The following CEP95 variants were observed in gnomAD, a reference collection of about 807,000 sequenced individuals.
CEP95 encodes the protein centrosomal protein 95, also known as centrosomal protein of 95 kDa.
In CEP95, 98 loss-of-function variants were observed where a neutral mutation model predicts 111.2. The observed-to-expected ratio is 0.88, with a 90% CI of 0.75 to 1.04. The LOEUF is 1.04. Ranked by LOEUF, CEP95 falls within the 50% of genes least tolerant of loss-of-function variation. CEP95 has a pLI of 0.00. For synonymous variants in CEP95, 323 were observed against 327.1 expected (o/e 0.99, Z 0.14); for missense variants, 1,027 against 977.2 (o/e 1.05, Z -0.68).
chr17:64,521,734 ATTAT>A (rs1423605206), intron 7 of CEP95, among the ~76,000 whole-genome samples: 1 of 150,242 alleles, frequency 6.7e-6, no homozygotes, highest in East Asian at 2.0e-4. Context: ...CCACTATTTT[ATTAT>A]CTAAATTCTC....
chr17:64,532,351 A>G, intron 14 of CEP95: 3 of 1,091,548 alleles, frequency 2.7e-6, no homozygotes, highest in Non-Finnish European at 3.3e-6. Flanking sequence ...GGGATGCTCC[A>G]AGGCAAGCAG....
chr17:64,536,996 A>G (rs782539749), intron 18 of CEP95, 45 bp from the exon 19 acceptor site: 12 of 1,530,844 alleles, frequency 7.8e-6, no homozygotes, highest in African/African-American at 1.4e-5. Flanking sequence ...CATTTGGACT[A>G]CAAACATTAA....
chr17:64,522,942 G>C, intron 8 of CEP95, 47 bp downstream of exon 8: 1 of 1,408,020 alleles, frequency 7.1e-7, no homozygotes, highest in Non-Finnish European at 9.8e-7. Flanking sequence ...ACACTTGTAT[G>C]TATGTCTGTG....
rs1363407410 is a variant in CEP95 at position 64,507,034 on chromosome 17, TCCTTCCAGGACACCGTCG to T, written c.-57_-40del. On this transcript the variant is annotated 5_prime_UTR_variant, in exon 1 of 20. Coordinates refer to ENST00000556440, the MANE Select transcript of CEP95 (RefSeq NM_138363.3). ...CCAGTGTCGGGTCTGCGTGGATCGGTCCTTCCAGGACACCGTCGCCTTCCCGGCCGCGTCGGAGTCCGG... is the reference window on the plus strand; with the variant it reads ...CCAGTGTCGGGTCTGCGTGGATCGGTCCTTCCCGGCCGCGTCGGAGTCCGG... The T allele has an allele frequency of 1.3e-6, 2 of 1,546,026 alleles. No homozygotes were observed. The highest frequency in any genetic ancestry group is 4.9e-5 in the East Asian group (2 of 40,906).
rs782794868 is a variant in CEP95 at position 64,526,133 on chromosome 17, G to T, written c.1085G>T (p.Arg362Ile). The change falls in exon 10 of 20, where the codon AGA becomes ATA. Residue 362 changes from arginine to isoleucine, a missense_variant. Transcript: ENST00000556440. ...CCTTTCCCCCAGAGGCCAAGAAAGA[G>T]ATTAACAGAACAAGAATTACATGAT... is the stretch of plus-strand genomic sequence containing the variant. ...NSPFPQRPRK[R>I]LTEQELHDVS... is the part of the protein sequence containing the mutation. 7.4e-6 allele frequency: 12 copies of T among 1,613,656 alleles called. No homozygotes were observed. In the Admixed American group the frequency reaches 1.0e-4, roughly 13 times the overall value.
At chr17:64,531,199 A>C (rs973097135) in intron 13 of CEP95, 181 bp downstream of exon 13, 1 of 410,494 alleles carries the variant, frequency 2.4e-6, no homozygotes, top group Non-Finnish European at 4.3e-6. Flanking sequence ...GGTTGCTAAA[A>C]TATGACGAGA....
intron 8 of CEP95, 54 bp downstream of exon 8, chr17:64,522,949 T>C: frequency 1.5e-6 from 2 of 1,335,302 alleles, no homozygotes; most frequent in Non-Finnish European, 1.0e-6. Context: ...TATGTATGTC[T>C]GTGTGTGTGT....
chr17:64,533,244 C>T lies in CEP95; in HGVS notation c.1917+53C>T, dbSNP rs557593742. ...AATTCTGAATTTGTTATATTCATTC[C>T]CTTTATCTGTGCTAGCTGGGCAACA... On this transcript the variant is annotated intron_variant, in intron 16 of 19. Coordinates refer to ENST00000556440, the MANE Select transcript of CEP95 (RefSeq NM_138363.3). The T allele has an allele frequency of 5.9e-5, 84 of 1,430,126 alleles. No individual in the cohort carries two copies. In the African/African-American group the frequency reaches 1.1e-3, roughly 19 times the overall value. 88.6% of individuals were successfully genotyped at this position (1,430,126 alleles called of 1,614,324 possible).
At position 64,532,832 on chromosome 17, in the gene CEP95, C is replaced by T. The variant is rs1968372362; in HGVS notation, c.1673-7C>T. The T allele has an allele frequency of 1.2e-6, 2 of 1,604,656 alleles. No individual in the cohort carries two copies. Among genetic ancestry groups the T allele is most frequent in the South Asian group, 2.3e-5 (2 of 88,856 alleles). ...TCAGATTAAGAACATCTTATTTTACCTTGCAGTGAAAGTAAGTGAACACAG... is the reference window on the plus strand; with the variant it reads ...TCAGATTAAGAACATCTTATTTTACTTTGCAGTGAAAGTAAGTGAACACAG... On this transcript the variant is annotated splice_region_variant and splice_polypyrimidine_tract_variant and intron_variant, in intron 14 of 19. Coordinates refer to ENST00000556440, the MANE Select transcript of CEP95 (RefSeq NM_138363.3).
intron 5 of CEP95, 78 bp downstream of exon 5, chr17:64,516,906 C>T: frequency 1.3e-6 from 1 of 767,966 alleles, no homozygotes. Flanking sequence ...ACGTAATATA[C>T]CAAGATGGCA....
At chr17:64,534,861 T>G in intron 17 of CEP95, 124 bp downstream of exon 17, 2 of 1,133,132 alleles carry the variant, frequency 1.8e-6, no homozygotes, top group Non-Finnish European at 2.6e-6. Flanking sequence ...AGTCCTATAG[T>G]GCTGGCCCTG....
intron 6 of CEP95, among the ~76,000 whole-genome samples, chr17:64,520,296 C>G (rs887694995): frequency 6.6e-6 from 1 of 151,912 alleles, no homozygotes; most frequent in Non-Finnish European, 1.5e-5. Context: ...GCAATTAAGG[C>G]AAAGGAAAAA....
chr17:64,524,347 C>T (rs782240654), intron 8 of CEP95, among the ~76,000 whole-genome samples: 1 of 152,074 alleles, frequency 6.6e-6, no homozygotes, highest in Non-Finnish European at 1.5e-5. Flanking sequence ...GTCGCTGTGT[C>T]GCCCAGGCTG....
At chr17:64,510,833 G>A (rs1265674662) in intron 3 of CEP95, among the ~76,000 whole-genome samples, 1 of 152,210 alleles carries the variant, frequency 6.6e-6, no homozygotes, top group African/African-American at 2.4e-5. Flanking sequence ...TTACAGGCCT[G>A]GACCACTGTG....
chr17:64,528,901 T>C (rs1555679683), intron 11 of CEP95, among the ~76,000 whole-genome samples: 1 of 152,230 alleles, frequency 6.6e-6, no homozygotes, highest in Non-Finnish European at 1.5e-5. Context: ...TATAATAAGA[T>C]AGATATGTAT....
chr17:64,530,466 G>A (rs2144518491), intron 12 of CEP95, among the ~76,000 whole-genome samples: 2 of 151,852 alleles, frequency 1.3e-5, no homozygotes, highest in African/African-American at 4.8e-5. Context: ...GATATTTTAG[G>A]GGTGGCAGGT....
chr17:64,519,374 A>C lies in CEP95; in HGVS notation c.527A>C (p.Glu176Ala). ...LGPSWDGDEAESTGEIIRLGD... is the reference protein window; with the variant it reads ...LGPSWDGDEAASTGEIIRLGD... ...CCCTCTTGGGATGGAGATGAAGCAG[A>C]ATCCACTGGTGAAATCATTAGACTT... The change falls in exon 6 of 20, where the codon GAA becomes GCA. Residue 176 changes from glutamate to alanine, a missense_variant. Glu to Ala is a moderately radical substitution (Grantham distance 107). Transcript: ENST00000556440. The C allele has an allele frequency of 6.2e-7, 1 of 1,613,856 alleles. No homozygotes were observed. Among genetic ancestry groups the C allele is most frequent in the Non-Finnish European group, 8.5e-7 (1 of 1,179,746 alleles).
At chr17:64,518,724 A>C (rs1598203276) in intron 5 of CEP95, among the ~76,000 whole-genome samples, 2 of 151,888 alleles carry the variant, frequency 1.3e-5, no homozygotes, top group African/African-American at 4.8e-5. Context: ...CTTGTTGCCC[A>C]GGCTGGAGTG....
intron 5 of CEP95, among the ~76,000 whole-genome samples, chr17:64,518,480 T>C (rs912013718): frequency 1.5e-4 from 23 of 152,182 alleles, no homozygotes; most frequent in Admixed American, 1.4e-3. Context: ...GCCAGTATCA[T>C]TGATCATTTT....
Sources: allele counts gnomAD v4.1 joint callset (sites outside exome capture counted in the v4.1 genomes callset), GRCh38; gene constraint gnomAD v4.1.1; transcripts MANE v1.5; gene names NCBI Gene and HGNC (gene_info 2026-07-23, HGNC 2026-07-21).